NPAS3: variants seen among roughly 807,000 people sequenced by gnomAD.
NPAS3 encodes neuronal PAS domain protein 3.
A neutral mutation model predicts 73.1 loss-of-function variants in NPAS3; 14 were observed. The observed-to-expected ratio is 0.19, with a 90% CI of 0.13 to 0.30. NPAS3 has a LOEUF of 0.30. Ranked by LOEUF, NPAS3 falls within the 10% of genes least tolerant of loss-of-function variation. NPAS3 has a pLI of 1.00. For synonymous variants in NPAS3, 620 were observed against 541.5 expected (o/e 1.14, Z -2.01); for missense variants, 1,096 against 1,250.0 (o/e 0.88, Z 1.86).
At chr14:33,266,281 C>A (rs2040812998) in intron 3 of NPAS3, among the ~76,000 whole-genome samples, 1 of 152,100 alleles carries the variant, frequency 6.6e-6, no homozygotes. Context: ...TGTGGACCTC[C>A]CACCTAGGAC....
chr14:32,958,121 C>G (rs1234710815), intron 1 of NPAS3, among the ~76,000 whole-genome samples: 2 of 152,114 alleles, frequency 1.3e-5, no homozygotes, highest in Non-Finnish European at 2.9e-5. Context: ...TTTTAATTGC[C>G]ACCTAAAGAT....
At chr14:33,208,957 T>G (rs1360381038) in intron 2 of NPAS3, among the ~76,000 whole-genome samples, 1 of 152,192 alleles carries the variant, frequency 6.6e-6, no homozygotes, top group East Asian at 1.9e-4. Flanking sequence ...TATTTAGTTG[T>G]GAAATTGGCC....
intron 3 of NPAS3, among the ~76,000 whole-genome samples, chr14:33,323,828 G>T (rs1039704278): frequency 1.3e-5 from 2 of 152,198 alleles, no homozygotes; most frequent in Non-Finnish European, 2.9e-5. Flanking sequence ...AATCATTCTG[G>T]TATAAATTAT....
At chr14:33,544,743 G>C (rs1268632428) in intron 4 of NPAS3, among the ~76,000 whole-genome samples, 1 of 115,950 alleles carries the variant, frequency 8.6e-6, no homozygotes, top group Non-Finnish European at 1.7e-5. Flanking sequence ...TGGCAGCCCG[G>C]GCCCACTAAG....
chr14:33,543,779 A>G (rs1258013558), intron 4 of NPAS3, among the ~76,000 whole-genome samples: 2 of 151,826 alleles, frequency 1.3e-5, no homozygotes, highest in Non-Finnish European at 2.9e-5. Context: ...GGGAATTCAA[A>G]CCTACAGGGG....
At chr14:33,028,986 G>A (rs548209094) in intron 1 of NPAS3, among the ~76,000 whole-genome samples, 7 of 152,120 alleles carry the variant, frequency 4.6e-5, no homozygotes, top group South Asian at 2.1e-4. Flanking sequence ...CTTCCCCCCC[G>A]CCCCTGATGG....
chr14:33,441,734 T>G (rs986427153), intron 4 of NPAS3, among the ~76,000 whole-genome samples: 20 of 152,324 alleles, frequency 1.3e-4, no homozygotes, highest in African/African-American at 4.8e-4. Flanking sequence ...ATTTAATGGA[T>G]TCACAGTTTC....
intron 6 of NPAS3, 41 bp downstream of exon 6, chr14:33,676,426 C>G: frequency 6.6e-7 from 1 of 1,504,676 alleles, no homozygotes; most frequent in Non-Finnish European, 8.9e-7. Context: ...GTGGGCAGGA[C>G]CTTTGCCAAA....
intron 1 of NPAS3, among the ~76,000 whole-genome samples, chr14:33,047,088 TTGGGA>T (rs1345725493): frequency 4.6e-5 from 7 of 152,060 alleles, no homozygotes; most frequent in Admixed American, 2.6e-4. Flanking sequence ...CTATACAGAA[TTGGGA>T]GTCGTTGGCA....
chr14:33,176,101 A>G (rs2045580178), intron 2 of NPAS3, among the ~76,000 whole-genome samples: 1 of 152,250 alleles, frequency 6.6e-6, no homozygotes. Flanking sequence ...ATATATAAAC[A>G]TAGTTGTGAT....
intron 4 of NPAS3, among the ~76,000 whole-genome samples, chr14:33,519,181 A>G (rs368337304): frequency 3.9e-5 from 6 of 152,076 alleles, no homozygotes; most frequent in East Asian, 3.9e-4. Context: ...ACCAGTTTCA[A>G]CTGTTTCGCT....
chr14:33,344,861 G>A (rs954546530), intron 3 of NPAS3, among the ~76,000 whole-genome samples: 3 of 152,168 alleles, frequency 2.0e-5, no homozygotes, highest in African/African-American at 7.2e-5. Flanking sequence ...AAGCCAGAAG[G>A]AGAGAAGGAA....
chr14:33,548,454 C>A (rs2054949535), intron 4 of NPAS3, among the ~76,000 whole-genome samples: 1 of 152,156 alleles, frequency 6.6e-6, no homozygotes, highest in African/African-American at 2.4e-5. Context: ...ATCAATATGA[C>A]CAACTCCAGA....
intron 2 of NPAS3, among the ~76,000 whole-genome samples, chr14:33,056,311 C>T (rs1287773386): frequency 2.6e-5 from 4 of 152,172 alleles, no homozygotes; most frequent in Non-Finnish European, 5.9e-5. Flanking sequence ...AAGAAAATCT[C>T]GGCAAAATAC....
chr14:33,310,143 T>G (rs1045804589), intron 3 of NPAS3, among the ~76,000 whole-genome samples: 1 of 152,238 alleles, frequency 6.6e-6, no homozygotes, highest in Non-Finnish European at 1.5e-5. Context: ...AACATCCATG[T>G]GTACACACAC....
chr14:33,038,538 CACATATAT>C (rs2040245684), intron 1 of NPAS3, among the ~76,000 whole-genome samples: 1 of 136,190 alleles, frequency 7.3e-6, no homozygotes, highest in Non-Finnish European at 1.6e-5. Context: ...CACATATATA[CACATATAT>C]ATATATAAAA....
chr14:33,404,039 C>A (rs1327186090), intron 4 of NPAS3, among the ~76,000 whole-genome samples: 2 of 152,164 alleles, frequency 1.3e-5, no homozygotes, highest in Non-Finnish European at 2.9e-5. Flanking sequence ...TGATGCACAG[C>A]GTCCTTTCAG....
At chr14:33,473,907 G>A (rs1441782425) in intron 4 of NPAS3, among the ~76,000 whole-genome samples, 1 of 152,174 alleles carries the variant, frequency 6.6e-6, no homozygotes, top group Non-Finnish European at 1.5e-5. Context: ...GATCCACAAA[G>A]CCTCAAATAT....
chr14:33,130,444 T>A (rs2043593175), intron 2 of NPAS3, among the ~76,000 whole-genome samples: 1 of 152,190 alleles, frequency 6.6e-6, no homozygotes, highest in Non-Finnish European at 1.5e-5. Flanking sequence ...TCCCTGAATG[T>A]GAAATAAATA....
Sources: allele counts gnomAD v4.1 joint callset (sites outside exome capture counted in the v4.1 genomes callset), GRCh38; gene constraint gnomAD v4.1.1; transcripts MANE v1.5; gene names NCBI Gene and HGNC (gene_info 2026-07-23, HGNC 2026-07-21).